ADARB2: variants seen among roughly 807,000 people sequenced by gnomAD.
ADARB2 encodes inactive double-stranded RNA-specific editase B2.
ADARB2 carries 25 observed loss-of-function variants against 62.2 expected under a neutral mutation model. That is an observed-to-expected ratio of 0.40 (90% confidence interval 0.29 to 0.56). The LOEUF is 0.56. ADARB2 is among the 20% of genes least tolerant of loss of function. The probability of loss-of-function intolerance (pLI) is 0.43; values close to 1 mark genes in which losing one functional copy is unlikely to be tolerated. For synonymous variants in ADARB2, 572 were observed against 500.8 expected (o/e 1.14, Z -1.90); for missense variants, 1,071 against 1,077.4 (o/e 0.99, Z 0.08).
chr10:1,272,544 C>T (rs77433357), intron 3 of ADARB2, among the ~76,000 whole-genome samples: 1,535 of 152,318 alleles, frequency 0.01, 14 homozygotes, highest in African/African-American at 0.028. Flanking sequence ...CTGCTCACCC[C>T]GGGGTTTGAG....
chr10:1,557,869 G>A (rs537445121), intron 1 of ADARB2, among the ~76,000 whole-genome samples: 3 of 152,150 alleles, frequency 2.0e-5, no homozygotes, highest in Non-Finnish European at 2.9e-5. Flanking sequence ...CTGAGGTTGC[G>A]GTGAGCTGAG....
chr10:1,641,301 AC>A (rs1339966993), intron 1 of ADARB2, among the ~76,000 whole-genome samples: 1 of 152,260 alleles, frequency 6.6e-6, no homozygotes, highest in African/African-American at 2.4e-5. Flanking sequence ...AAGCAACAGC[AC>A]GAAGTGGTGT....
intron 1 of ADARB2, among the ~76,000 whole-genome samples, chr10:1,499,534 C>CA (rs1326870338): frequency 6.6e-6 from 1 of 151,614 alleles, no homozygotes; most frequent in Non-Finnish European, 1.5e-5. Context: ...ACTTATTCAT[C>CA]ACTCGCTCAT....
At chr10:1,535,478 G>C (rs1400564142) in intron 1 of ADARB2, 1 of 161,390 alleles carries the variant, frequency 6.2e-6, no homozygotes, top group Non-Finnish European at 1.5e-5. Context: ...TACGGCTTCT[G>C]CAAATGACAG....
chr10:1,657,653 C>G lies in ADARB2; in HGVS notation c.100+79398G>C, dbSNP rs963156743. Reference sequence around the variant, plus strand: ...GTTACCAAGTAACAGACCTCAGAAGCCTTCCAAGGTCCAAGGATGTAAATG... The same window carrying G: ...GTTACCAAGTAACAGACCTCAGAAGGCTTCCAAGGTCCAAGGATGTAAATG... On this transcript the variant is annotated intron_variant, in intron 1 of 9. Transcript: ENST00000381312. 3.3e-5 allele frequency among the ~76,000 whole-genome samples: 5 copies of G among 152,290 alleles called. No individual in the cohort carries two copies. In the South Asian group the frequency reaches 1.0e-3, roughly 32 times the overall value.
At chr10:1,630,560 G>A (rs751816825) in intron 1 of ADARB2, among the ~76,000 whole-genome samples, 1 of 152,162 alleles carries the variant, frequency 6.6e-6, no homozygotes, top group Non-Finnish European at 1.5e-5. Flanking sequence ...CTCTGGGCAG[G>A]GCAGAGGGGG....
At chr10:1,311,888 A>C (rs536663431) in intron 3 of ADARB2, among the ~76,000 whole-genome samples, 93 of 152,238 alleles carry the variant, frequency 6.1e-4, no homozygotes, top group Non-Finnish European at 1.1e-3. Context: ...GTAATTTAGG[A>C]AAGTGGAAGG....
At chr10:1,284,413 C>T (rs1831395147) in intron 3 of ADARB2, among the ~76,000 whole-genome samples, 1 of 152,138 alleles carries the variant, frequency 6.6e-6, no homozygotes, top group African/African-American at 2.4e-5. Context: ...TATGAGGATG[C>T]TCTCAGGGCT....
At chr10:1,646,279 C>G (rs1446673185) in intron 1 of ADARB2, among the ~76,000 whole-genome samples, 1 of 152,222 alleles carries the variant, frequency 6.6e-6, no homozygotes, top group Non-Finnish European at 1.5e-5. Flanking sequence ...CCATGCTGGG[C>G]TTTGTCAAGC....
rs139265294 is a variant in ADARB2, at chr10:1,607,146, T to C, written c.100+129905A>G. On this transcript the variant is annotated intron_variant, in intron 1 of 9. Coordinates refer to ENST00000381312, the MANE Select transcript of ADARB2 (RefSeq NM_018702.4). The stretch of plus-strand genomic sequence containing the variant: ...TTTCAGTTAGGCCTTTTAACTTTGA[T>C]AAATAAAATGAAACTTTGAATTTTC... Among the ~76,000 whole-genome samples the C allele has an allele frequency of 7.1e-3, 1,087 of 152,358 alleles. 36 individuals carry two copies. The highest frequency in any genetic ancestry group is 0.057 in the Admixed American group (874 of 15,306).
At chr10:1,660,388 G>A (rs552770718) in intron 1 of ADARB2, among the ~76,000 whole-genome samples, 5 of 152,336 alleles carry the variant, frequency 3.3e-5, no homozygotes, top group South Asian at 2.1e-4. Flanking sequence ...AAAGTCGGTC[G>A]TAAGGTCCCA....
At chr10:1,481,320 C>A (rs1260051509) in intron 1 of ADARB2, among the ~76,000 whole-genome samples, 1 of 152,128 alleles carries the variant, frequency 6.6e-6, no homozygotes, top group African/African-American at 2.4e-5. Context: ...GATCAAAGAC[C>A]TAAATATATG....
intron 6 of ADARB2, among the ~76,000 whole-genome samples, chr10:1,222,054 T>G (rs1032401851): frequency 6.6e-6 from 1 of 152,202 alleles, no homozygotes; most frequent in African/African-American, 2.4e-5. Context: ...GTGTTCCTAT[T>G]TCTCCACATC....
chr10:1,567,460 C>T (rs951306642), intron 1 of ADARB2, among the ~76,000 whole-genome samples: 7 of 152,164 alleles, frequency 4.6e-5, no homozygotes, highest in African/African-American at 1.7e-4. Flanking sequence ...GTCCCTCCCA[C>T]TCTCCCAGGC....
At chr10:1,520,064 T>A (rs1832055163) in intron 1 of ADARB2, among the ~76,000 whole-genome samples, 1 of 152,232 alleles carries the variant, frequency 6.6e-6, no homozygotes. Context: ...CGCATTGGCA[T>A]ATTTGCTAGT....
chr10:1,464,746 C>T (rs375346871), intron 1 of ADARB2, among the ~76,000 whole-genome samples: 193 of 132,184 alleles, frequency 1.5e-3, no homozygotes, highest in South Asian at 8.6e-3. Context: ...CCCACACACG[C>T]GCTGGGGGCA....
intron 6 of ADARB2, among the ~76,000 whole-genome samples, chr10:1,232,176 C>T (rs563351027): frequency 1.6e-4 from 22 of 139,962 alleles, no homozygotes; most frequent in East Asian, 1.2e-3. Context: ...GCACACACAC[C>T]GCACACACAC....
At chr10:1,454,688 A>G (rs1232155778) in intron 1 of ADARB2, among the ~76,000 whole-genome samples, 2 of 151,926 alleles carry the variant, frequency 1.3e-5, no homozygotes. Context: ...TAACGGGCTT[A>G]ATGTTTCGTG....
intron 4 of ADARB2, among the ~76,000 whole-genome samples, chr10:1,260,963 C>G (rs1001642200): frequency 4.0e-5 from 5 of 125,466 alleles, no homozygotes; most frequent in Non-Finnish European, 8.4e-5. Flanking sequence ...AGATATAGAT[C>G]AATGGAACAG....
Sources: gnomAD v4.1 joint callset for allele counts (sites outside exome capture counted in the v4.1 genomes callset) on GRCh38, gnomAD v4.1.1 for gene constraint, MANE v1.5 for transcripts, NCBI Gene and HGNC (gene_info 2026-07-23, HGNC 2026-07-21) for gene names.